PRDM11: variants seen among roughly 807,000 people sequenced by gnomAD.
PRDM11 encodes the protein PR domain-containing protein 11.
In PRDM11, 20 loss-of-function variants were observed where a neutral mutation model predicts 97.8. That is an observed-to-expected ratio of 0.20 (90% CI 0.14 to 0.30). The LOEUF (loss-of-function observed/expected upper bound fraction) is 0.30. PRDM11 is among the 10% of genes least tolerant of loss of function. The pLI is 1.00. For synonymous variants in PRDM11, 599 were observed against 637.7 expected, an observed-to-expected ratio of 0.94 and a Z score of 0.91; for missense variants, 1,139 against 1,555.2, an observed-to-expected ratio of 0.73 and a Z score of 4.50.
At chr11:45,183,201 C>G in intron 4 of PRDM11, 78 bp downstream of exon 4, 1 of 1,484,838 alleles carries the variant, frequency 6.7e-7, no homozygotes, top group Non-Finnish European at 9.0e-7. Flanking sequence ...GCCATACTGG[C>G]CCAGCTTGGC....
intron 1 of PRDM11, among the ~76,000 whole-genome samples, chr11:45,134,701 GAAA>G (rs1191008824): frequency 0.013 from 553 of 44,132 alleles, 2 homozygotes; most frequent in African/African-American, 0.04. Flanking sequence ...CCTGTCTCAC[GAAA>G]AAAAAAAAAA....
At chr11:45,124,321 G>A (rs1852515000) in intron 1 of PRDM11, among the ~76,000 whole-genome samples, 1 of 152,086 alleles carries the variant, frequency 6.6e-6, no homozygotes, top group Non-Finnish European at 1.5e-5. Flanking sequence ...TTTCCTAATT[G>A]AATACCCTTT....
chr11:45,164,702 G>A (rs1287435482), intron 1 of PRDM11, among the ~76,000 whole-genome samples: 4 of 152,308 alleles, frequency 2.6e-5, no homozygotes, highest in Admixed American at 6.5e-5. Context: ...AAGGGATTTC[G>A]AATCAGTGGT....
At chr11:45,186,336 C>T (rs1048863144) in intron 4 of PRDM11, among the ~76,000 whole-genome samples, 7 of 151,972 alleles carry the variant, frequency 4.6e-5, no homozygotes, top group Non-Finnish European at 7.4e-5. Flanking sequence ...TTCCTGGTGC[C>T]CGTGAGATGC....
rs186000398 is a variant in PRDM11, at chr11:45,199,507, C to T, written c.487-5204C>T. On this transcript the variant is annotated intron_variant, in intron 4 of 7. Transcript: ENST00000683152. Reference sequence around the variant, plus strand: ...CTCTTCTTCTCCAGGCTAAGGGAGCCTCTCACCATGCAGGTTCCCCAGGTT... The same window carrying T: ...CTCTTCTTCTCCAGGCTAAGGGAGCTTCTCACCATGCAGGTTCCCCAGGTT... 1.5e-3 allele frequency among the ~76,000 whole-genome samples: 228 copies of T among 152,324 alleles called. 4 individuals carry two copies. Among genetic ancestry groups the T allele is most frequent in the South Asian group, 9.7e-3 (47 of 4,832 alleles).
At chr11:45,104,401 G>A (rs1480519837) in intron 1 of PRDM11, among the ~76,000 whole-genome samples, 1 of 152,214 alleles carries the variant, frequency 6.6e-6, no homozygotes, top group African/African-American at 2.4e-5. Flanking sequence ...ATCCATGGGG[G>A]TCGGGTTTCT....
At chr11:45,161,403 G>C (rs894862393) in intron 1 of PRDM11, among the ~76,000 whole-genome samples, 2 of 152,156 alleles carry the variant, frequency 1.3e-5, no homozygotes, top group African/African-American at 4.8e-5. Flanking sequence ...GCGGGCAATC[G>C]GATTTCATCC....
At chr11:45,121,916 GCT>G (rs528817630) in intron 1 of PRDM11, among the ~76,000 whole-genome samples, 139 of 152,224 alleles carry the variant, frequency 9.1e-4, no homozygotes, top group Admixed American at 2.1e-3. Context: ...GCATCTAAAG[GCT>G]GTGGTTACAG....
intron 1 of PRDM11, among the ~76,000 whole-genome samples, chr11:45,165,168 T>C (rs1852029731): frequency 6.6e-6 from 1 of 152,176 alleles, no homozygotes; most frequent in Non-Finnish European, 1.5e-5. Flanking sequence ...TCCCAGCTTC[T>C]TCACCAAGCT....
chr11:45,125,059 T>G (rs1004810433), intron 1 of PRDM11, among the ~76,000 whole-genome samples: 4 of 152,152 alleles, frequency 2.6e-5, no homozygotes, highest in Admixed American at 2.0e-4. Context: ...CTTCCTGGTT[T>G]AGTCTTGGGA....
chr11:45,205,220 T>G (rs777796126), intron 5 of PRDM11, among the ~76,000 whole-genome samples: 1 of 152,188 alleles, frequency 6.6e-6, no homozygotes, highest in Non-Finnish European at 1.5e-5. Flanking sequence ...TCAGCTCAGT[T>G]TTTGACAGTG....
chr11:45,221,349 T>A (rs1854115709), intron 6 of PRDM11, among the ~76,000 whole-genome samples: 1 of 152,166 alleles, frequency 6.6e-6, no homozygotes, highest in Non-Finnish European at 1.5e-5. Flanking sequence ...TAAAAGTGCC[T>A]GATACATAGT....
intron 4 of PRDM11, among the ~76,000 whole-genome samples, chr11:45,186,549 G>A (rs1264159191): frequency 6.6e-6 from 1 of 152,118 alleles, no homozygotes; most frequent in Non-Finnish European, 1.5e-5. Context: ...AGGGAGAGGA[G>A]TTGAGGAGGC....
intron 4 of PRDM11, among the ~76,000 whole-genome samples, chr11:45,196,301 G>C (rs1233829408): frequency 1.3e-5 from 2 of 152,150 alleles, no homozygotes; most frequent in Admixed American, 6.5e-5. Flanking sequence ...TTTGGGGAGA[G>C]CTACCCAGGA....
intron 1 of PRDM11, among the ~76,000 whole-genome samples, chr11:45,174,155 T>C (rs1852271665): frequency 6.6e-6 from 1 of 152,218 alleles, no homozygotes; most frequent in Non-Finnish European, 1.5e-5. Context: ...CTGTACTCTT[T>C]GGGGGTCTCC....
At position 45,199,813 on chromosome 11, in the gene PRDM11, C is replaced by T. The variant is rs73466426; in HGVS notation, c.487-4898C>T. ...CATGTAACGTGGTCCACAGGCCCTGCGAGATCCTGCCTGCCCTGCACCCTC... is the reference window on the plus strand; with the variant it reads ...CATGTAACGTGGTCCACAGGCCCTGTGAGATCCTGCCTGCCCTGCACCCTC... On this transcript the variant is annotated intron_variant, in intron 4 of 7. Coordinates refer to ENST00000683152, the MANE Select transcript of PRDM11 (RefSeq NM_001384648.1). 1.9e-3 allele frequency among the ~76,000 whole-genome samples: 295 copies of T among 152,098 alleles called. 4 individuals carry two copies. The highest frequency in any genetic ancestry group is 6.7e-3 in the African/African-American group (279 of 41,362).
rs147079692 is a variant in PRDM11 at position 45,192,942 on chromosome 11, C to T, written c.486+9819C>T. Reference sequence around the variant, plus strand: ...TGAAACAAAATTGCTATTTATAAGGCGAATATCGTAGTGACTACTGAGACA... The same window carrying T: ...TGAAACAAAATTGCTATTTATAAGGTGAATATCGTAGTGACTACTGAGACA... On this transcript the variant is annotated intron_variant, in intron 4 of 7. Transcript: ENST00000683152. Among the ~76,000 whole-genome samples, 23 of 152,282 alleles carry T rather than the reference C, an allele frequency of 1.5e-4. 1 individual carries two copies. In the East Asian group the frequency reaches 4.2e-3, roughly 28 times the overall value.
At chr11:45,129,031 A>C (rs1852655064) in intron 1 of PRDM11, among the ~76,000 whole-genome samples, 1 of 152,194 alleles carries the variant, frequency 6.6e-6, no homozygotes, top group South Asian at 2.1e-4. Context: ...AATGTAATTC[A>C]CCACATTAAC....
chr11:45,150,225 C>A (rs1851626979), intron 1 of PRDM11, among the ~76,000 whole-genome samples: 1 of 152,220 alleles, frequency 6.6e-6, no homozygotes, highest in Non-Finnish European at 1.5e-5. Flanking sequence ...TCCATCTTCA[C>A]ATCCCCTCTT....
Sources: allele counts gnomAD v4.1 joint callset (sites outside exome capture counted in the v4.1 genomes callset), GRCh38; gene constraint gnomAD v4.1.1; transcripts MANE v1.5; gene names NCBI Gene and HGNC (gene_info 2026-07-23, HGNC 2026-07-21).